The following ATF6 variants were observed in gnomAD, a reference collection of about 807,000 sequenced individuals.
ATF6 encodes cyclic AMP-dependent transcription factor ATF-6 alpha.
A neutral mutation model predicts 83.6 loss-of-function variants in ATF6; 53 were observed. The ratio of observed to expected loss-of-function variants is 0.63; its 90% CI spans 0.51 to 0.80. The LOEUF (loss-of-function observed/expected upper bound fraction) is 0.80, where lower values mean the gene tolerates loss of function less well. Among genes scored for constraint, ATF6 ranks in the 30% least tolerant of loss-of-function variants. ATF6 has a pLI of 0.00. For missense variants in ATF6, 744 were observed against 797.9 expected, an observed-to-expected ratio of 0.93 and a Z score of 0.81; for synonymous variants, 288 against 285.8, an observed-to-expected ratio of 1.01 and a Z score of -0.08.
intron 15 of ATF6, among the ~76,000 whole-genome samples, chr1:161,939,115 C>T (rs1688593863): frequency 6.6e-6 from 1 of 152,200 alleles, no homozygotes; most frequent in South Asian, 2.1e-4. Flanking sequence ...CTTCTCCATC[C>T]TCATCTTATT....
At chr1:161,797,301 G>C (rs1685045122) in intron 6 of ATF6, among the ~76,000 whole-genome samples, 1 of 152,080 alleles carries the variant, frequency 6.6e-6, no homozygotes, top group Non-Finnish European at 1.5e-5. Context: ...ATTCAACATA[G>C]TGCTGGAAGT....
chr1:161,850,474 A>G (rs1175171641), intron 10 of ATF6, among the ~76,000 whole-genome samples: 1 of 152,156 alleles, frequency 6.6e-6, no homozygotes, highest in African/African-American at 2.4e-5. Flanking sequence ...TATCTAAAGT[A>G]TATACTACCA....
intron 9 of ATF6, among the ~76,000 whole-genome samples, chr1:161,836,478 T>C (rs946934774): frequency 2.0e-5 from 3 of 152,220 alleles, no homozygotes; most frequent in African/African-American, 7.2e-5. Flanking sequence ...ACAATGTATC[T>C]GAGTACCAGG....
intron 15 of ATF6, among the ~76,000 whole-genome samples, chr1:161,916,505 C>T (rs1470186943): frequency 6.6e-6 from 1 of 152,072 alleles, no homozygotes; most frequent in Non-Finnish European, 1.5e-5. Context: ...TCTTGCATAA[C>T]CACAATAAAA....
chr1:161,957,957 G>A (rs867238659), intron 15 of ATF6, among the ~76,000 whole-genome samples: 4 of 152,296 alleles, frequency 2.6e-5, no homozygotes, highest in Middle Eastern at 3.4e-3. Context: ...TATTACTGAT[G>A]AATAGGAGCT....
intron 14 of ATF6, among the ~76,000 whole-genome samples, chr1:161,872,059 A>G (rs1381369975): frequency 6.6e-6 from 1 of 151,668 alleles, no homozygotes; most frequent in East Asian, 1.9e-4. Flanking sequence ...AATTTATTTA[A>G]TAACACTTAT....
At chr1:161,912,455 A>T in intron 15 of ATF6, 75 bp downstream of exon 15, 1 of 976,358 alleles carries the variant, frequency 1.0e-6, no homozygotes, top group Non-Finnish European at 1.5e-6. Context: ...TAGTTCAAAG[A>T]CATTTAAAAT....
At position 161,782,610 on chromosome 1, in the gene ATF6, G is replaced by A. The variant is rs149339531; in HGVS notation, c.247+611G>A. ...CCAGCTGGGAATAATTTATATCACC[G>A]ATTATAGAAAGTGGACTTAGTGCTG... On this transcript the variant is annotated intron_variant, in intron 3 of 15. Coordinates refer to ENST00000367942, the MANE Select transcript of ATF6 (RefSeq NM_007348.4). Among the ~76,000 whole-genome samples the A allele has an allele frequency of 1.9e-3, 290 of 152,228 alleles. 2 individuals carry two copies. The highest frequency in any genetic ancestry group is 0.014 in the Middle Eastern group (4 of 294).
At chr1:161,810,220 T>A (rs1685421939) in intron 7 of ATF6, among the ~76,000 whole-genome samples, 2 of 152,316 alleles carry the variant, frequency 1.3e-5, no homozygotes, top group South Asian at 4.1e-4. Context: ...TGTCTCATGG[T>A]TCTGCAGGCT....
At chr1:161,875,407 T>C (rs1687194377) in intron 14 of ATF6, among the ~76,000 whole-genome samples, 1 of 151,890 alleles carries the variant, frequency 6.6e-6, no homozygotes, top group East Asian at 1.9e-4. Flanking sequence ...CATTGGTCAT[T>C]TGAAAATACT....
At chr1:161,807,672 G>A (rs1278866809) in intron 7 of ATF6, among the ~76,000 whole-genome samples, 1 of 152,022 alleles carries the variant, frequency 6.6e-6, no homozygotes, top group African/African-American at 2.4e-5. Context: ...TGTAGGTTTG[G>A]AGCTTCTAAA....
intron 15 of ATF6, among the ~76,000 whole-genome samples, chr1:161,921,995 C>T (rs916510877): frequency 1.3e-5 from 2 of 151,344 alleles, no homozygotes; most frequent in Admixed American, 6.6e-5. Context: ...CTTGTTTTCC[C>T]TGTTTGTTTG....
intron 15 of ATF6, among the ~76,000 whole-genome samples, chr1:161,917,277 A>G (rs1688118931): frequency 1.3e-5 from 2 of 152,240 alleles, no homozygotes; most frequent in African/African-American, 4.8e-5. Context: ...GAATTATTTC[A>G]GATTTTGGAT....
intron 14 of ATF6, among the ~76,000 whole-genome samples, chr1:161,910,542 C>G (rs1687970367): frequency 6.6e-6 from 1 of 152,208 alleles, no homozygotes; most frequent in African/African-American, 2.4e-5. Flanking sequence ...AGTATGGCAT[C>G]TGTATCTTAG....
At chr1:161,878,667 C>T (rs1036245782) in intron 14 of ATF6, among the ~76,000 whole-genome samples, 2 of 151,928 alleles carry the variant, frequency 1.3e-5, no homozygotes, top group South Asian at 2.1e-4. Flanking sequence ...TAAATAGGAG[C>T]GGTCAGCAAA....
chr1:161,963,098 G>A lies in ATF6; in HGVS notation c.*4444G>A, dbSNP rs1689133945. On this transcript the variant is annotated 3_prime_UTR_variant, in exon 16 of 16. Coordinates refer to ENST00000367942, the MANE Select transcript of ATF6 (RefSeq NM_007348.4). ...TTTAATTTCCTAGGAAACAATACTA[G>A]ACTACCCAAAAAGATGTTGCCAGAA... is the stretch of plus-strand genomic sequence containing the variant. 6.6e-6 allele frequency: 1 copy of A among 152,048 alleles called. No homozygotes were observed. The highest frequency in any genetic ancestry group is 2.1e-4 in the South Asian group (1 of 4,818). The allele number at this position is 152,048 out of a possible 1,614,324, so 9.4% of individuals were successfully genotyped here.
chr1:161,811,787 C>CCATCCATA (rs1553231082), intron 7 of ATF6, among the ~76,000 whole-genome samples: 40 of 151,134 alleles, frequency 2.6e-4, no homozygotes, highest in Middle Eastern at 3.4e-3. Flanking sequence ...ATCCATCCAT[C>CCATCCATA]CATATACACA....
chr1:161,793,348 A>G (rs778249800), intron 6 of ATF6, among the ~76,000 whole-genome samples: 1 of 152,246 alleles, frequency 6.6e-6, no homozygotes, highest in Non-Finnish European at 1.5e-5. Context: ...CAAACAAACA[A>G]AAACCAGTTT....
chr1:161,889,035 A>G (rs964250197), intron 14 of ATF6, among the ~76,000 whole-genome samples: 2 of 152,182 alleles, frequency 1.3e-5, no homozygotes, highest in African/African-American at 4.8e-5. Flanking sequence ...CGCATCCTTT[A>G]TCACACTCCT....
Sources: gnomAD v4.1 joint callset for allele counts (sites outside exome capture counted in the v4.1 genomes callset) on GRCh38, gnomAD v4.1.1 for gene constraint, MANE v1.5 for transcripts, NCBI Gene and HGNC (gene_info 2026-07-23, HGNC 2026-07-21) for gene names.